CDH8: variants seen among roughly 807,000 people sequenced by gnomAD.
The protein encoded by CDH8 is cadherin 8.
CDH8 carries 17 observed loss-of-function variants against 68.1 expected under a neutral mutation model. That is an observed-to-expected ratio of 0.25 (90% CI 0.17 to 0.37). CDH8 has a LOEUF of 0.37. Among genes scored for constraint, CDH8 ranks in the 10% least tolerant of loss-of-function variants. The pLI is 1.00. For missense variants in CDH8, 763 were observed against 999.3 expected (o/e 0.76, Z 3.19); for synonymous variants, 372 against 365.1 (o/e 1.02, Z -0.21).
At chr16:61,863,389 T>C (rs1373507743) in intron 3 of CDH8, among the ~76,000 whole-genome samples, 1 of 152,038 alleles carries the variant, frequency 6.6e-6, no homozygotes, top group Non-Finnish European at 1.5e-5. Context: ...ACTGTCGGGG[T>C]GGAGGTTCCA....
At chr16:61,671,408 A>G (rs1963791441) in intron 10 of CDH8, among the ~76,000 whole-genome samples, 1 of 151,576 alleles carries the variant, frequency 6.6e-6, no homozygotes, top group Non-Finnish European at 1.5e-5. Context: ...GTACCAGCTG[A>G]TAGCAATTTT....
chr16:61,706,421 T>C (rs920833698), intron 10 of CDH8, among the ~76,000 whole-genome samples: 9 of 151,278 alleles, frequency 5.9e-5, no homozygotes, highest in African/African-American at 9.7e-5. Context: ...ATCGAGACCA[T>C]CCTGGCTAAC....
chr16:61,954,066 G>A (rs775784370), intron 2 of CDH8, among the ~76,000 whole-genome samples: 7 of 151,642 alleles, frequency 4.6e-5, no homozygotes, highest in South Asian at 2.1e-4. Context: ...CCATAAAATC[G>A]TCTCATTTAA....
chr16:61,829,515 T>C (rs2143003187), intron 4 of CDH8, among the ~76,000 whole-genome samples: 1 of 151,968 alleles, frequency 6.6e-6, no homozygotes, highest in East Asian at 2.0e-4. Context: ...TTCAGTGTAA[T>C]AATGTACTGC....
intron 4 of CDH8, among the ~76,000 whole-genome samples, chr16:61,844,117 TC>T (rs1293174057): frequency 6.6e-6 from 1 of 151,968 alleles, no homozygotes; most frequent in East Asian, 1.9e-4. Context: ...TGACTTCATG[TC>T]CTTTGTAGGG....
intron 2 of CDH8, among the ~76,000 whole-genome samples, chr16:62,020,415 A>G (rs1902042956): frequency 6.6e-6 from 1 of 152,132 alleles, no homozygotes; most frequent in Non-Finnish European, 1.5e-5. Flanking sequence ...CAGGCAGCCC[A>G]TGTCTACACA....
At chr16:61,724,108 T>C (rs1181254776) in intron 9 of CDH8, among the ~76,000 whole-genome samples, 1 of 150,764 alleles carries the variant, frequency 6.6e-6, no homozygotes, top group African/African-American at 2.4e-5. Context: ...TAATGGACTG[T>C]GAACCATTTC....
At chr16:61,982,947 G>C (rs753729509) in intron 2 of CDH8, among the ~76,000 whole-genome samples, 2 of 152,058 alleles carry the variant, frequency 1.3e-5, no homozygotes, top group African/African-American at 2.4e-5. Flanking sequence ...TCTGCTTTTT[G>C]CATATTCACT....
chr16:62,020,132 C>G (rs1413141716), intron 2 of CDH8, among the ~76,000 whole-genome samples: 1 of 152,140 alleles, frequency 6.6e-6, no homozygotes, highest in Non-Finnish European at 1.5e-5. Context: ...GTAATGCAAT[C>G]AGAAGTTCCC....
intron 2 of CDH8, among the ~76,000 whole-genome samples, chr16:61,960,632 A>G (rs1032598293): frequency 6.6e-6 from 1 of 152,126 alleles, no homozygotes; most frequent in Non-Finnish European, 1.5e-5. Flanking sequence ...AACTGAGCAA[A>G]TGGATGAATT....
chr16:61,750,048 C>A (rs1426222668), intron 8 of CDH8, among the ~76,000 whole-genome samples: 1 of 151,984 alleles, frequency 6.6e-6, no homozygotes, highest in East Asian at 1.9e-4. Flanking sequence ...TTTTTCAACC[C>A]TTTGTCCCCC....
At chr16:61,696,041 T>A (rs1964319364) in intron 10 of CDH8, among the ~76,000 whole-genome samples, 1 of 152,174 alleles carries the variant, frequency 6.6e-6, no homozygotes, top group Non-Finnish European at 1.5e-5. Context: ...ATGTCACATC[T>A]CACAATGACA....
At chr16:62,013,670 T>G (rs1901870807) in intron 2 of CDH8, among the ~76,000 whole-genome samples, 2 of 152,222 alleles carry the variant, frequency 1.3e-5, no homozygotes, top group African/African-American at 4.8e-5. Flanking sequence ...TTTTAATGAC[T>G]TTATGCTATT....
intron 2 of CDH8, among the ~76,000 whole-genome samples, chr16:61,979,119 G>T (rs1030332301): frequency 2.0e-5 from 3 of 151,632 alleles, no homozygotes; most frequent in African/African-American, 7.3e-5. Context: ...GAAACAACGG[G>T]CCAGAAGTAA....
intron 8 of CDH8, among the ~76,000 whole-genome samples, chr16:61,745,258 C>A (rs868342754): frequency 9.2e-5 from 14 of 151,640 alleles, no homozygotes; most frequent in African/African-American, 3.1e-4. Flanking sequence ...GCTTTTGAGA[C>A]CTTAATTTTT....
chr16:61,872,174 A>G (rs1963382605), intron 3 of CDH8, among the ~76,000 whole-genome samples: 2 of 152,220 alleles, frequency 1.3e-5, no homozygotes, highest in Non-Finnish European at 2.9e-5. Context: ...ACATCCTTCT[A>G]AAAGCATTAT....
chr16:62,002,819 C>T (rs928809351), intron 2 of CDH8, among the ~76,000 whole-genome samples: 6 of 152,138 alleles, frequency 3.9e-5, no homozygotes, highest in East Asian at 3.9e-4. Context: ...TTTGGGAGGC[C>T]GAGGTGGGCG....
At chr16:61,950,693 G>T (rs775499376) in intron 2 of CDH8, among the ~76,000 whole-genome samples, 1 of 151,932 alleles carries the variant, frequency 6.6e-6, no homozygotes, top group African/African-American at 2.4e-5. Context: ...CATTAAAACC[G>T]CATATTCACT....
intron 8 of CDH8, among the ~76,000 whole-genome samples, chr16:61,778,505 G>T (rs1283095680): frequency 6.6e-6 from 1 of 152,106 alleles, no homozygotes; most frequent in Non-Finnish European, 1.5e-5. Flanking sequence ...GTGGGAAGGG[G>T]CAGGGTAACA....
Sources: gnomAD v4.1 joint callset for allele counts (sites outside exome capture counted in the v4.1 genomes callset) on GRCh38, gnomAD v4.1.1 for gene constraint, MANE v1.5 for transcripts, NCBI Gene and HGNC (gene_info 2026-07-23, HGNC 2026-07-21) for gene names.